PGR: variants seen among roughly 807,000 people sequenced by gnomAD.
PGR encodes nuclear receptor subfamily 3 group C member 3.
Under a neutral mutation model 76.1 loss-of-function variants are expected in PGR, and 25 were observed. That is an observed-to-expected ratio of 0.33 (90% CI 0.24 to 0.46). The LOEUF is 0.46. PGR is among the 20% of genes least tolerant of loss of function. The pLI is 1.00. For synonymous variants in PGR, 579 were observed against 535.0 expected (o/e 1.08, Z -1.14); for missense variants, 1,172 against 1,225.3 (o/e 0.96, Z 0.65).
intron 3 of PGR, among the ~76,000 whole-genome samples, chr11:101,068,733 T>C (rs1005978604): frequency 6.7e-6 from 1 of 149,780 alleles, no homozygotes; most frequent in African/African-American, 2.5e-5. Context: ...AACCATCTGA[T>C]CTTTGACAAA....
chr11:101,075,631 AAC>A (rs1167186039), intron 3 of PGR, among the ~76,000 whole-genome samples: 9 of 151,594 alleles, frequency 5.9e-5, no homozygotes, highest in African/African-American at 2.2e-4. Context: ...CAAAAAAAAA[AAC>A]AAAAAACAAC....
intron 3 of PGR, among the ~76,000 whole-genome samples, chr11:101,064,845 T>C (rs1272961786): frequency 1.3e-5 from 2 of 152,200 alleles, no homozygotes; most frequent in African/African-American, 4.8e-5. Flanking sequence ...TTTCATAAGA[T>C]AGTATTTTTT....
intron 2 of PGR, among the ~76,000 whole-genome samples, chr11:101,095,905 A>C (rs1447084294): frequency 6.6e-6 from 1 of 152,188 alleles, no homozygotes; most frequent in African/African-American, 2.4e-5. Flanking sequence ...ATATTCTCAA[A>C]CTTGCATGAA....
At chr11:101,060,185 G>A (rs920659955) in intron 4 of PGR, among the ~76,000 whole-genome samples, 12 of 152,116 alleles carry the variant, frequency 7.9e-5, no homozygotes, top group Admixed American at 7.9e-4. Flanking sequence ...TATATTGTGT[G>A]TGTGTGCGTG....
At chr11:101,079,421 CAA>C (rs141102184) in intron 3 of PGR, among the ~76,000 whole-genome samples, 6 of 143,400 alleles carry the variant, frequency 4.2e-5, no homozygotes, top group East Asian at 2.0e-4. Flanking sequence ...AGCTCAATAG[CAA>C]AAAAAAAAAG....
At chr11:101,117,192 A>T (rs1383578943) in intron 2 of PGR, among the ~76,000 whole-genome samples, 1 of 152,124 alleles carries the variant, frequency 6.6e-6, no homozygotes, top group Non-Finnish European at 1.5e-5. Flanking sequence ...AATGGTCATT[A>T]TTTGTTATTC....
intron 2 of PGR, among the ~76,000 whole-genome samples, chr11:101,116,739 CAAAAA>C (rs11300466): frequency 1.4e-5 from 1 of 68,966 alleles, no homozygotes; most frequent in Non-Finnish European, 2.6e-5. Context: ...GATTCCACCT[CAAAAA>C]AAAAAAAAAA....
Position 101,051,577 on chromosome 11 carries a change from C to T in PGR, c.2213-9G>A, listed in dbSNP as rs1286934428. 3.8e-6 allele frequency: 6 copies of T among 1,589,292 alleles called. No homozygotes were observed. The East Asian group carries it at 1.3e-4, about 36-fold the overall frequency. On this transcript the variant is annotated splice_polypyrimidine_tract_variant and intron_variant, in intron 4 of 7. Coordinates refer to ENST00000325455, the MANE Select transcript of PGR (RefSeq NM_000926.4). ...ATGTAAGTTTCGAAAACCTACAAAACAAATTTAAAAATACAGTGACCATAA... is the reference window on the plus strand; with the variant it reads ...ATGTAAGTTTCGAAAACCTACAAAATAAATTTAAAAATACAGTGACCATAA...
chr11:101,067,873 GA>G (rs948289491), intron 3 of PGR, among the ~76,000 whole-genome samples: 1 of 151,616 alleles, frequency 6.6e-6, no homozygotes, highest in African/African-American at 2.4e-5. Context: ...CTATGGAGTA[GA>G]AAAAAACATC....
Position 101,129,077 on chromosome 11 carries a change from TG to T in PGR, c.-8del. On this transcript the variant is annotated 5_prime_UTR_variant, in exon 1 of 8. Transcript: ENST00000325455. ...TTGCCTTCAGCTCAGTCATGACGAC[TG>T]GACTCCCCTTTTCTCCTCCCCCGTC... 1 of 1,522,250 alleles carries T rather than the reference TG, an allele frequency of 6.6e-7. No individual in the cohort carries two copies. Among genetic ancestry groups the T allele is most frequent in the Non-Finnish European group, 8.8e-7 (1 of 1,133,646 alleles). The allele number at this position is 1,522,250 out of a possible 1,614,324, so 94.3% of individuals were successfully genotyped here. A position where few individuals can be genotyped will look rare whatever the true frequency, so the allele number is the denominator to read the frequency against.
At chr11:101,071,939 C>T (rs940588387) in intron 3 of PGR, among the ~76,000 whole-genome samples, 1 of 152,128 alleles carries the variant, frequency 6.6e-6, no homozygotes, top group African/African-American at 2.4e-5. Flanking sequence ...CCCAACCTAG[C>T]AAGACAGGCC....
Position 101,049,421 on chromosome 11 carries a change from T to C in PGR, c.2488+508A>G, listed in dbSNP as rs539974382. ...TTTTTATTATCTTTACCAAGTACTA[T>C]GTACTGTACATAATTGTATGTGCTA... On this transcript the variant is annotated intron_variant, in intron 6 of 7. Transcript: ENST00000325455. 7.2e-5 allele frequency among the ~76,000 whole-genome samples: 11 copies of C among 152,346 alleles called. No individual in the cohort carries two copies. In the South Asian group the frequency reaches 2.1e-3, roughly 29 times the overall value.
intron 4 of PGR, among the ~76,000 whole-genome samples, chr11:101,055,941 T>C (rs1591375909): frequency 6.6e-6 from 1 of 152,234 alleles, no homozygotes; most frequent in East Asian, 1.9e-4. Flanking sequence ...TTTGACAGAA[T>C]GGAATAGAAC....
chr11:101,080,273 T>C (rs970995109), intron 3 of PGR, among the ~76,000 whole-genome samples: 1 of 152,082 alleles, frequency 6.6e-6, no homozygotes, highest in Non-Finnish European at 1.5e-5. Context: ...CTCTTACCTA[T>C]ACGTGCCGCC....
chr11:101,073,423 C>A lies in PGR; in HGVS notation c.1907-10671G>T, dbSNP rs148984022. On this transcript the variant is annotated intron_variant, in intron 3 of 7. Coordinates refer to ENST00000325455, the MANE Select transcript of PGR (RefSeq NM_000926.4). ...CTAATATCACAATTAAAAGAACTAG[C>A]GAAGCAAGAGCAAACAAATTCAAAA... Among the ~76,000 whole-genome samples, 601 of 151,516 alleles carry A rather than the reference C, an allele frequency of 4.0e-3. 3 individuals are homozygous for A. The highest frequency in any genetic ancestry group is 0.013 in the African/African-American group (549 of 41,306).
At chr11:101,056,645 A>G (rs1440594586) in intron 4 of PGR, among the ~76,000 whole-genome samples, 1 of 151,316 alleles carries the variant, frequency 6.6e-6, no homozygotes, top group African/African-American at 2.4e-5. Context: ...ATCTCAAGAA[A>G]AAAAAAAAAA....
At chr11:101,123,679 A>C (rs1263045811) in intron 2 of PGR, among the ~76,000 whole-genome samples, 1 of 152,206 alleles carries the variant, frequency 6.6e-6, no homozygotes, top group Non-Finnish European at 1.5e-5. Context: ...TCAAATGTTC[A>C]TATCTTCCAT....
intron 3 of PGR, among the ~76,000 whole-genome samples, chr11:101,084,351 G>A (rs996772904): frequency 6.6e-6 from 1 of 152,148 alleles, no homozygotes; most frequent in Middle Eastern, 3.4e-3. Context: ...CTAATACAAT[G>A]TCCCATTTAA....
At position 101,038,849 on chromosome 11, in the gene PGR, G is replaced by C. The variant is rs1565326139; in HGVS notation, c.*267C>G. Reference sequence around the variant, plus strand: ...ACATGGTATGAAATAATATGGATAAGATAGTTTACTTTAACAATTTTAGTA... The same window carrying C: ...ACATGGTATGAAATAATATGGATAACATAGTTTACTTTAACAATTTTAGTA... On this transcript the variant is annotated 3_prime_UTR_variant, in exon 8 of 8. Transcript: ENST00000325455. 2 of 381,832 alleles carry C rather than the reference G, an allele frequency of 5.2e-6. No homozygotes were observed. Among genetic ancestry groups the C allele is most frequent in the African/African-American group, 4.1e-5 (2 of 48,550 alleles). 23.7% of individuals were successfully genotyped at this position (381,832 alleles called of 1,614,324 possible).
Sources: gnomAD v4.1 joint callset for allele counts (sites outside exome capture counted in the v4.1 genomes callset) on GRCh38, gnomAD v4.1.1 for gene constraint, MANE v1.5 for transcripts, NCBI Gene and HGNC (gene_info 2026-07-23, HGNC 2026-07-21) for gene names.